The following PDE1C variants were observed in gnomAD, a reference collection of about 807,000 sequenced individuals.
The protein encoded by PDE1C is phosphodiesterase 1C.
A neutral mutation model predicts 93.1 loss-of-function variants in PDE1C; 62 were observed. That is an observed-to-expected ratio of 0.67 (90% CI 0.54 to 0.82). PDE1C has a LOEUF of 0.82. PDE1C is among the 40% of genes least tolerant of loss of function. The pLI, the probability that PDE1C is intolerant of heterozygous loss-of-function variation, is 0.00. For missense variants in PDE1C, 742 were observed against 884.6 expected, an observed-to-expected ratio of 0.84 and a Z score of 2.04; for synonymous variants, 325 against 310.1, an observed-to-expected ratio of 1.05 and a Z score of -0.50.
At chr7:31,907,070 G>GGGGTGTGTGTGT (rs148177545) in intron 2 of PDE1C, among the ~76,000 whole-genome samples, 36 of 145,316 alleles carry the variant, frequency 2.5e-4, no homozygotes, top group Non-Finnish European at 4.6e-4. Flanking sequence ...TGATATGTGG[G>GGGGTGTGTGTGT]GTGTGTGTGT....
chr7:31,695,681 T>C, the PDE1C span: 4 of 1,519,864 alleles, frequency 2.6e-6, no homozygotes, highest in Non-Finnish European at 3.6e-6. Context: ...TAGGTTGCAT[T>C]GTTCGTACAC....
intron 1 of PDE1C, among the ~76,000 whole-genome samples, chr7:32,363,806 C>A (rs1311919318): frequency 6.6e-6 from 1 of 152,240 alleles, no homozygotes; most frequent in Non-Finnish European, 1.5e-5. Context: ...GCACTTCCCT[C>A]ATTAAAAATC....
intron 2 of PDE1C, among the ~76,000 whole-genome samples, chr7:31,943,995 G>C (rs73094521): frequency 0.43 from 64,627 of 152,032 alleles, 15,564 homozygotes; most frequent in Non-Finnish European, 0.54. Context: ...TTCAATCCCA[G>C]TCTAACTGTA....
chr7:32,357,554 G>C (rs930491531), intron 1 of PDE1C, among the ~76,000 whole-genome samples: 3 of 152,146 alleles, frequency 2.0e-5, no homozygotes, highest in African/African-American at 4.8e-5. Context: ...GTTGAGAAAG[G>C]CTTAGAAAGT....
chr7:32,304,365 A>G (rs1454600238), intron 1 of PDE1C, among the ~76,000 whole-genome samples: 1 of 152,158 alleles, frequency 6.6e-6, no homozygotes, highest in African/African-American at 2.4e-5. Context: ...TCGCTAAAAC[A>G]TTTATGAATT....
intron 2 of PDE1C, among the ~76,000 whole-genome samples, chr7:31,899,661 G>A (rs1473203242): frequency 2.0e-5 from 3 of 152,156 alleles, no homozygotes; most frequent in Non-Finnish European, 2.9e-5. Context: ...TTCCACGTGC[G>A]GGAGACAGAG....
intron 3 of PDE1C, among the ~76,000 whole-genome samples, chr7:31,880,023 AAAT>A (rs540236571): frequency 3.5e-4 from 53 of 152,248 alleles, no homozygotes; most frequent in Middle Eastern, 3.4e-3. Context: ...TGTGTCAGCA[AAAT>A]AATAATAATA....
At chr7:31,664,152 C>G in the PDE1C span, among the ~76,000 whole-genome samples, 2 of 152,146 alleles carry the variant, frequency 1.3e-5, no homozygotes, top group African/African-American at 2.4e-5. Context: ...TAACCATGGC[C>G]AGCTCTGTCA....
At chr7:31,814,282 A>G (rs1787945356) in intron 15 of PDE1C, among the ~76,000 whole-genome samples, 1 of 152,084 alleles carries the variant, frequency 6.6e-6, no homozygotes, top group Non-Finnish European at 1.5e-5. Flanking sequence ...TAGTTTGGGT[A>G]CATGAAAAAT....
At position 32,135,659 on chromosome 7, in the gene PDE1C, G is replaced by A. The variant is rs191585971; in HGVS notation, c.308+34126C>T. Among the ~76,000 whole-genome samples the A allele has an allele frequency of 2.1e-4, 32 of 152,270 alleles. No individual in the cohort carries two copies. In the East Asian group the frequency reaches 5.2e-3, roughly 25 times the overall value. On this transcript the variant is annotated intron_variant, in intron 3 of 18. Transcript: ENST00000396193. ...GAAAAGGAAACTCTTGTATATTGTT[G>A]GTAAGCATGTAAGTTGGTGCAGCCA...
At chr7:32,179,985 T>C (rs533554698) in intron 2 of PDE1C, among the ~76,000 whole-genome samples, 2 of 152,162 alleles carry the variant, frequency 1.3e-5, no homozygotes, top group East Asian at 1.9e-4. Context: ...TTCCTCTCCT[T>C]TGGAGAAATA....
intron 16 of PDE1C, among the ~76,000 whole-genome samples, chr7:31,796,723 C>A (rs1180517592): frequency 6.6e-6 from 1 of 151,556 alleles, no homozygotes; most frequent in African/African-American, 2.4e-5. Context: ...AGATTTTCCC[C>A]AAATCTATAA....
At chr7:31,798,510 T>C (rs938485614) in intron 16 of PDE1C, among the ~76,000 whole-genome samples, 3 of 151,772 alleles carry the variant, frequency 2.0e-5, no homozygotes, top group African/African-American at 7.2e-5. Flanking sequence ...ACATTTTCTA[T>C]GACTTATGTG....
Position 32,420,353 on chromosome 7 carries a change from GTATA to G in PDE1C, c.310+7465_310+7468del, listed in dbSNP as rs1289315617. Among the ~76,000 whole-genome samples, 49 of 14,470 alleles carry G rather than the reference GTATA, an allele frequency of 3.4e-3. 19 individuals carry two copies. The highest frequency in any genetic ancestry group is 7.5e-3 in the Admixed American group (7 of 928). The allele number at this position is 14,470 out of a possible 152,430, so 9.5% of individuals were successfully genotyped here. On this transcript the variant is annotated intron_variant, in intron 1 of 1. Coordinates refer to the PDE1C transcript ENST00000672256. ...TATATATATATGTGTATATATATGT[GTATA>G]TATATATGTGTATATATATGTGTAT...
At chr7:31,768,390 G>A (rs571507574) in intron 17 of PDE1C, among the ~76,000 whole-genome samples, 1 of 152,334 alleles carries the variant, frequency 6.6e-6, no homozygotes, top group Admixed American at 6.5e-5. Flanking sequence ...GTCAGTGTAT[G>A]TTATTCATCT....
chr7:31,722,555 A>G, the PDE1C span, among the ~76,000 whole-genome samples: 1 of 152,304 alleles, frequency 6.6e-6, no homozygotes, highest in Non-Finnish European at 1.5e-5. Flanking sequence ...GCTTATAACA[A>G]GGGAGCCTGA....
At chr7:32,082,627 C>T (rs1402101306) in intron 3 of PDE1C, among the ~76,000 whole-genome samples, 1 of 152,218 alleles carries the variant, frequency 6.6e-6, no homozygotes, top group African/African-American at 2.4e-5. Flanking sequence ...TGACACCTCA[C>T]ACGGCTGGGT....
At chr7:31,688,032 G>C in the PDE1C span, among the ~76,000 whole-genome samples, 1 of 152,288 alleles carries the variant, frequency 6.6e-6, no homozygotes, top group Admixed American at 6.5e-5. Flanking sequence ...GAGAAGGCCA[G>C]AGATGGGATA....
At chr7:32,064,430 A>G (rs1165190628) in intron 1 of PDE1C, among the ~76,000 whole-genome samples, 1 of 152,068 alleles carries the variant, frequency 6.6e-6, no homozygotes, top group Non-Finnish European at 1.5e-5. Context: ...TCTACTCTAA[A>G]TCTATGTTCT....
Sources: gnomAD v4.1 joint callset for allele counts (sites outside exome capture counted in the v4.1 genomes callset) on GRCh38, gnomAD v4.1.1 for gene constraint, MANE v1.5 for transcripts, NCBI Gene and HGNC (gene_info 2026-07-23, HGNC 2026-07-21) for gene names.